The following CNBD1 variants were observed in gnomAD, a reference collection of about 807,000 sequenced individuals.
CNBD1 encodes cyclic nucleotide binding domain containing 1.
A neutral mutation model predicts 54.4 loss-of-function variants in CNBD1; 71 were observed. The observed-to-expected ratio is 1.30, with a 90% CI of 1.08 to 1.59. The LOEUF is 1.59. Ranked by LOEUF, CNBD1 falls within the 40% of genes most tolerant of loss-of-function variation. The probability of loss-of-function intolerance (pLI) is 0.00; values close to 1 mark genes in which losing one functional copy is unlikely to be tolerated. For missense variants in CNBD1, 659 were observed against 518.0 expected, an observed-to-expected ratio of 1.27 and a Z score of -2.64; for synonymous variants, 182 against 170.7, an observed-to-expected ratio of 1.07 and a Z score of -0.51.
At chr8:87,031,092 A>C (rs1048778421) in intron 4 of CNBD1, among the ~76,000 whole-genome samples, 2 of 151,354 alleles carry the variant, frequency 1.3e-5, no homozygotes, top group East Asian at 3.9e-4. Flanking sequence ...CCCAGATTAA[A>C]GAAGTTAAAA....
chr8:87,344,751 T>C (rs995415819), intron 8 of CNBD1, among the ~76,000 whole-genome samples: 2 of 152,156 alleles, frequency 1.3e-5, no homozygotes, highest in Non-Finnish European at 2.9e-5. Flanking sequence ...AGTGAGTGAA[T>C]GCGTTGCATG....
At chr8:86,964,395 A>G (rs964425243) in intron 4 of CNBD1, among the ~76,000 whole-genome samples, 1 of 152,160 alleles carries the variant, frequency 6.6e-6, no homozygotes, top group East Asian at 1.9e-4. Context: ...CTGGTCCTAT[A>G]TAAGATGTAA....
At chr8:87,128,720 C>A (rs1302179118) in intron 4 of CNBD1, among the ~76,000 whole-genome samples, 1 of 151,632 alleles carries the variant, frequency 6.6e-6, no homozygotes, top group Non-Finnish European at 1.5e-5. Flanking sequence ...TGGGAAAAAC[C>A]CCACCTGGTC....
At position 87,343,859 on chromosome 8, in the gene CNBD1, A is replaced by G. The variant is rs540482081; in HGVS notation, c.1043-7826A>G. On this transcript the variant is annotated intron_variant, in intron 8 of 10. Coordinates refer to ENST00000518476, the MANE Select transcript of CNBD1 (RefSeq NM_173538.3). ...GTATACTTAATATATAAATATGTAG[A>G]TATTTACCTGATTTTTTTCCTAAGA... Among the ~76,000 whole-genome samples, 3 of 152,066 alleles carry G rather than the reference A, an allele frequency of 2.0e-5. No individual in the cohort carries two copies. In the East Asian group the frequency reaches 5.8e-4, roughly 29 times the overall value.
Position 87,115,739 on chromosome 8 carries a change from A to G in CNBD1, c.432-90254A>G, listed in dbSNP as rs78275155. 2.9e-3 allele frequency among the ~76,000 whole-genome samples: 436 copies of G among 152,310 alleles called. 4 individuals carry two copies. Among genetic ancestry groups the G allele is most frequent in the African/African-American group, 9.8e-3 (408 of 41,570 alleles). ...GAGCAGGTTTCACCTACTGAGTACTATCTTTTCTCATGTTTTCTGTACCTC... is the reference window on the plus strand; with the variant it reads ...GAGCAGGTTTCACCTACTGAGTACTGTCTTTTCTCATGTTTTCTGTACCTC... On this transcript the variant is annotated intron_variant, in intron 4 of 10. Transcript: ENST00000518476.
chr8:87,076,464 A>G (rs1311474506), intron 4 of CNBD1, among the ~76,000 whole-genome samples: 1 of 150,798 alleles, frequency 6.6e-6, no homozygotes, highest in Non-Finnish European at 1.5e-5. Flanking sequence ...TTTTTTTGAG[A>G]CAGAGTCTCA....
intron 3 of CNBD1, among the ~76,000 whole-genome samples, chr8:86,920,429 T>C (rs1209528325): frequency 1.3e-5 from 2 of 152,214 alleles, no homozygotes; most frequent in African/African-American, 4.8e-5. Flanking sequence ...TCTCTTAGTT[T>C]GTGTTATATA....
intron 4 of CNBD1, among the ~76,000 whole-genome samples, chr8:87,016,745 C>T (rs1016973607): frequency 6.6e-6 from 1 of 152,176 alleles, no homozygotes; most frequent in Non-Finnish European, 1.5e-5. Context: ...TGAACAATCA[C>T]TGATGCACAG....
intron 4 of CNBD1, among the ~76,000 whole-genome samples, chr8:87,075,659 T>C (rs1211996071): frequency 6.6e-6 from 1 of 152,224 alleles, no homozygotes; most frequent in Non-Finnish European, 1.5e-5. Context: ...CCATAGCACC[T>C]GATTAAAGCC....
At chr8:87,390,018 A>G (rs1452870698) in intron 2 of CNBD1, among the ~76,000 whole-genome samples, 5 of 151,302 alleles carry the variant, frequency 3.3e-5, no homozygotes, top group African/African-American at 1.2e-4. Flanking sequence ...TATTTAATAA[A>G]TGGTGCTGGG....
intron 2 of CNBD1, chr8:87,428,403 C>A (rs1002204614): frequency 3.2e-6 from 1 of 316,068 alleles, no homozygotes; most frequent in African/African-American, 2.2e-5. Flanking sequence ...CTTAGAAGTA[C>A]TAATGAATCA....
intron 4 of CNBD1, among the ~76,000 whole-genome samples, chr8:87,093,600 C>A (rs1049388115): frequency 6.6e-6 from 1 of 152,056 alleles, no homozygotes. Context: ...ACAGTAACGC[C>A]GAGATTGCTG....
At chr8:87,000,718 C>T (rs1265934158) in intron 4 of CNBD1, among the ~76,000 whole-genome samples, 1 of 152,104 alleles carries the variant, frequency 6.6e-6, no homozygotes, top group Non-Finnish European at 1.5e-5. Flanking sequence ...TATTGGATCT[C>T]ACTTTCATTC....
intron 6 of CNBD1, among the ~76,000 whole-genome samples, chr8:87,263,427 CA>C (rs1228153120): frequency 2.0e-5 from 3 of 152,022 alleles, no homozygotes; most frequent in African/African-American, 7.2e-5. Context: ...TATTCAAAAT[CA>C]GGACATGCTG....
At chr8:87,064,010 G>T (rs1324527414) in intron 4 of CNBD1, among the ~76,000 whole-genome samples, 1 of 151,748 alleles carries the variant, frequency 6.6e-6, no homozygotes, top group African/African-American at 2.4e-5. Flanking sequence ...CATTTTGTAG[G>T]TTTCTCTTAT....
intron 5 of CNBD1, among the ~76,000 whole-genome samples, chr8:87,220,434 T>A (rs1814306161): frequency 6.6e-6 from 1 of 151,798 alleles, no homozygotes; most frequent in South Asian, 2.1e-4. Context: ...CATTCTTGTC[T>A]CTGCAACTTC....
chr8:87,332,790 A>G (rs1282146675), intron 8 of CNBD1, among the ~76,000 whole-genome samples: 1 of 152,080 alleles, frequency 6.6e-6, no homozygotes, highest in Non-Finnish European at 1.5e-5. Flanking sequence ...GACTTGTGGC[A>G]TAGTTTGAAG....
At chr8:87,023,504 C>T (rs755258486) in intron 4 of CNBD1, among the ~76,000 whole-genome samples, 2 of 152,122 alleles carry the variant, frequency 1.3e-5, no homozygotes, top group Non-Finnish European at 2.9e-5. Flanking sequence ...GTAGAGACCA[C>T]ATCCAAATAG....
chr8:87,397,743 C>T (rs1811434884), intron 2 of CNBD1, among the ~76,000 whole-genome samples: 1 of 151,896 alleles, frequency 6.6e-6, no homozygotes, highest in Non-Finnish European at 1.5e-5. Flanking sequence ...GCTCTTTGTT[C>T]CCACTCAAAT....
Sources: gnomAD v4.1 joint callset for allele counts (sites outside exome capture counted in the v4.1 genomes callset) on GRCh38, gnomAD v4.1.1 for gene constraint, MANE v1.5 for transcripts, NCBI Gene and HGNC (gene_info 2026-07-23, HGNC 2026-07-21) for gene names.